Variants in MAGI1 observed in about 807,000 individuals in gnomAD.
MAGI1 encodes membrane associated guanylate kinase, WW and PDZ domain containing 1, also known as membrane-associated guanylate kinase, WW and PDZ domain-containing protein 1.
Under a neutral mutation model 139.9 loss-of-function variants are expected in MAGI1, and 58 were observed. The observed-to-expected ratio is 0.41, with a 90% CI of 0.34 to 0.52. The LOEUF (loss-of-function observed/expected upper bound fraction) is 0.52, where lower values mean the gene tolerates loss of function less well. Among genes scored for constraint, MAGI1 ranks in the 20% least tolerant of loss-of-function variants. The probability of loss-of-function intolerance (pLI) is 0.12; values close to 1 mark genes in which losing one functional copy is unlikely to be tolerated. For synonymous variants in MAGI1, 812 were observed against 737.9 expected, an observed-to-expected ratio of 1.10 and a Z score of -1.63; for missense variants, 1,874 against 1,901.6, an observed-to-expected ratio of 0.99 and a Z score of 0.27.
chr3:65,432,224 C>T (rs1321932312), intron 10 of MAGI1, among the ~76,000 whole-genome samples: 1 of 152,080 alleles, frequency 6.6e-6, no homozygotes, highest in Non-Finnish European at 1.5e-5. Context: ...TGAGCAGCTT[C>T]TTTCATCTCT....
At chr3:65,872,837 T>C (rs547864250) in intron 1 of MAGI1, 1 of 152,282 alleles carries the variant, frequency 6.6e-6, no homozygotes, top group East Asian at 1.9e-4. Flanking sequence ...TTTTATTTAT[T>C]TGAAGTTCAT....
At chr3:65,673,344 G>GA (rs1300942979) in intron 1 of MAGI1, among the ~76,000 whole-genome samples, 113 of 152,244 alleles carry the variant, frequency 7.4e-4, no homozygotes, top group African/African-American at 2.6e-3. Context: ...ACTTTTATAT[G>GA]AATCTTGTGC....
intron 9 of MAGI1, 135 bp downstream of exon 9, chr3:65,439,744 C>G (rs1302111629): frequency 2.6e-6 from 4 of 1,525,810 alleles, no homozygotes; most frequent in Non-Finnish European, 3.5e-6. Context: ...TTCCTCCCCA[C>G]AGGACATCAG....
chr3:66,026,745 T>G (rs2068285336), intron 1 of MAGI1, among the ~76,000 whole-genome samples: 2 of 152,002 alleles, frequency 1.3e-5, no homozygotes, highest in African/African-American at 4.8e-5. Context: ...TGGCGGCAAT[T>G]AAGCAGAATT....
rs563373166 is a variant in MAGI1 at position 65,568,526 on chromosome 3, T to C, written c.430+53446A>G. ...TGATTATACTCATGCTCTGCTCAGG[T>C]TGGCTGATTTGCCAATAGATTTCAT... On this transcript the variant is annotated intron_variant, in intron 2 of 22. Transcript: ENST00000402939. 3.9e-5 allele frequency among the ~76,000 whole-genome samples: 6 copies of C among 152,230 alleles called. No homozygotes were observed. The East Asian group carries it at 9.7e-4, about 25-fold the overall frequency.
At chr3:65,503,608 C>A (rs2077167303) in intron 2 of MAGI1, among the ~76,000 whole-genome samples, 1 of 152,134 alleles carries the variant, frequency 6.6e-6, no homozygotes, top group African/African-American at 2.4e-5. Flanking sequence ...TGTTTGGGAT[C>A]AGCAGACCAT....
intron 2 of MAGI1, among the ~76,000 whole-genome samples, chr3:65,619,446 G>A (rs1264019634): frequency 6.6e-6 from 1 of 152,240 alleles, no homozygotes; most frequent in Non-Finnish European, 1.5e-5. Flanking sequence ...AATGCACAGG[G>A]AAAGATGTCT....
chr3:65,447,117 A>C (rs1948728110), intron 7 of MAGI1, among the ~76,000 whole-genome samples: 1 of 152,336 alleles, frequency 6.6e-6, no homozygotes, highest in Middle Eastern at 3.4e-3. Flanking sequence ...GATGTTAAAC[A>C]ATCTTCTACT....
rs1421373490 is a variant in MAGI1 at position 65,429,908 on chromosome 3, A to G, written c.1779T>C (p.Ala593=). The G allele has an allele frequency of 1.2e-6, 2 of 1,614,054 alleles. No individual in the cohort carries two copies. Among genetic ancestry groups the G allele is most frequent in the Non-Finnish European group, 1.7e-6 (2 of 1,179,968 alleles). ...VNGQETYDSP[A]SHSSKTGKVN... Reference sequence around the variant, plus strand: ...CTTTGCCTGTTTTACTACTGTGGCTAGCTGGTGAATCATAGGTCTCTTGCC... The same window carrying G: ...CTTTGCCTGTTTTACTACTGTGGCTGGCTGGTGAATCATAGGTCTCTTGCC... The change falls in exon 12 of 23, where the codon GCT becomes GCC. Residue 593 remains alanine (A), a synonymous_variant. Coordinates refer to ENST00000402939, the MANE Select transcript of MAGI1 (RefSeq NM_001033057.2).
intron 2 of MAGI1, among the ~76,000 whole-genome samples, chr3:65,614,919 G>A (rs532796547): frequency 3.0e-4 from 45 of 152,084 alleles, no homozygotes; most frequent in Non-Finnish European, 5.3e-4. Flanking sequence ...CTACTCTGGA[G>A]GCTGAGGTGG....
intron 1 of MAGI1, among the ~76,000 whole-genome samples, chr3:65,859,216 C>G (rs960700105): frequency 7.9e-5 from 12 of 151,920 alleles, no homozygotes; most frequent in Non-Finnish European, 1.5e-4. Flanking sequence ...GCCTGTAATC[C>G]CAGCTACTCA....
intron 1 of MAGI1, among the ~76,000 whole-genome samples, chr3:65,726,324 T>C (rs1054414571): frequency 1.3e-5 from 2 of 152,178 alleles, no homozygotes; most frequent in African/African-American, 2.4e-5. Context: ...AATGGAAGTC[T>C]AGGAGAATAG....
chr3:65,918,443 C>T (rs756427002), intron 1 of MAGI1, among the ~76,000 whole-genome samples: 14 of 142,338 alleles, frequency 9.8e-5, no homozygotes, highest in East Asian at 2.2e-4. Flanking sequence ...TGCAATGGCG[C>T]GATCTCGGCT....
At chr3:65,666,069 C>T (rs970955323) in intron 1 of MAGI1, among the ~76,000 whole-genome samples, 5 of 152,116 alleles carry the variant, frequency 3.3e-5, no homozygotes, top group African/African-American at 7.2e-5. Flanking sequence ...CCACCCAGAA[C>T]TCTAGCCAGA....
At chr3:65,688,737 C>T (rs1022207224) in intron 1 of MAGI1, among the ~76,000 whole-genome samples, 3 of 152,162 alleles carry the variant, frequency 2.0e-5, no homozygotes, top group Admixed American at 6.5e-5. Context: ...AGGATACCAA[C>T]ATATTTTCCT....
chr3:65,711,453 A>G (rs561735686), intron 1 of MAGI1, among the ~76,000 whole-genome samples: 5 of 151,848 alleles, frequency 3.3e-5, no homozygotes, highest in Non-Finnish European at 5.9e-5. Context: ...GTTTATATCC[A>G]TAACAAGAAA....
In MAGI1 at chr3:65,699,080, A is replaced by G. The variant is rs2089419819; in HGVS notation, c.314-76992T>C. On this transcript the variant is annotated intron_variant, in intron 1 of 22. Coordinates refer to ENST00000402939, the MANE Select transcript of MAGI1 (RefSeq NM_001033057.2). ...AAGTGGGCGAAGGACATGAACAGAC[A>G]CTTCTCAAAAGAAGACATTTATGCA... is the stretch of plus-strand genomic sequence containing the variant. 3.5e-5 allele frequency among the ~76,000 whole-genome samples: 4 copies of G among 115,188 alleles called. No homozygotes were observed. The South Asian group carries it at 1.2e-3, about 36-fold the overall frequency. 75.6% of individuals were successfully genotyped at this position (115,188 alleles called of 152,430 possible).
intron 5 of MAGI1, among the ~76,000 whole-genome samples, chr3:65,462,998 A>T (rs973555219): frequency 1.1e-4 from 17 of 152,224 alleles, no homozygotes; most frequent in Non-Finnish European, 1.0e-4. Flanking sequence ...GAAATTGTTT[A>T]CCAGCTTAAG....
chr3:65,368,028 T>C (rs1252496731), intron 18 of MAGI1, among the ~76,000 whole-genome samples: 1 of 152,234 alleles, frequency 6.6e-6, no homozygotes, highest in Non-Finnish European at 1.5e-5. Context: ...CTTGTTTTAA[T>C]GAACTTTTAC....
Sources: gnomAD v4.1 joint callset for allele counts (sites outside exome capture counted in the v4.1 genomes callset) on GRCh38, gnomAD v4.1.1 for gene constraint, MANE v1.5 for transcripts, NCBI Gene and HGNC (gene_info 2026-07-23, HGNC 2026-07-21) for gene names.